CDC25B: variants seen among roughly 807,000 people sequenced by gnomAD.
CDC25B encodes the protein cell division cycle 25B, also known as M-phase inducer phosphatase 2.
A neutral mutation model predicts 69.8 loss-of-function variants in CDC25B; 33 were observed. That is an observed-to-expected ratio of 0.47 (90% CI 0.36 to 0.63). The LOEUF (loss-of-function observed/expected upper bound fraction) is 0.63, where lower values mean the gene tolerates loss of function less well. Among genes scored for constraint, CDC25B ranks in the 30% least tolerant of loss-of-function variants. The pLI is 0.00. For missense variants in CDC25B, 727 were observed against 809.1 expected, an observed-to-expected ratio of 0.90 and a Z score of 1.23; for synonymous variants, 341 against 314.6, an observed-to-expected ratio of 1.08 and a Z score of -0.89.
chr20:3,795,383 G>GAA, upstream of CDC25B, among the ~76,000 whole-genome samples: 1 of 22,602 alleles, frequency 4.4e-5, no homozygotes, highest in Non-Finnish European at 9.5e-5. Flanking sequence ...AAAACAAAAA[G>GAA]AAAGATAATT....
chr20:3,804,176 A>G (rs886248213), intron 14 of CDC25B, among the ~76,000 whole-genome samples: 51 of 152,290 alleles, frequency 3.3e-4, no homozygotes, highest in African/African-American at 1.2e-3. Context: ...CACTGGCTTC[A>G]GTCTTGGGTC....
rs1281629748 is a variant in CDC25B at position 3,803,446 on chromosome 20, C to T, written c.1399C>T (p.Leu467=). Residue 467 remains leucine (L), a synonymous_variant, in exon 14 of 16, where the codon CTA becomes TTA. Transcript: ENST00000245960. The surrounding 1 kb of genome is among the most constrained non-coding windows in gnomAD (Gnocchi z 4.9). ...LPLERDAESF[L]LKSPIAPCSL... is the part of the protein sequence containing the mutation. ...CCTGGAACGCGACGCCGAGAGCTTC[C>T]TACTGAAGAGCCCCATCGCGCCCTG... 2 of 1,614,120 alleles carry T rather than the reference C, an allele frequency of 1.2e-6. No homozygotes were observed. Among genetic ancestry groups the T allele is most frequent in the East Asian group, 2.2e-5 (1 of 44,872 alleles).
intron 1 of CDC25B, among the ~76,000 whole-genome samples, chr20:3,789,838 A>C (rs2088883825): frequency 6.6e-6 from 1 of 152,060 alleles, no homozygotes; most frequent in Admixed American, 6.6e-5. Flanking sequence ...AAATACAAAA[A>C]ATTAGCCGGG....
Position 3,803,157 on chromosome 20 carries a change from TGATTGTA to T in CDC25B, c.1310_1316del (p.Ile437ThrfsTer17). The T allele has an allele frequency of 6.2e-7, 1 of 1,613,986 alleles. No individual in the cohort carries two copies. The highest frequency in any genetic ancestry group is 8.5e-7 in the Non-Finnish European group (1 of 1,179,964). ...TTCAGCAACATCGTGGATAAGTTTG[TGATTGTA>T]GACTGCAGATACCCCTATGAATATG... On this transcript the variant is annotated frameshift_variant, in exon 13 of 16. Transcript: ENST00000245960. LOFTEE classifies it high-confidence loss of function. This position sits in a 1 kb window ranked among gnomAD's most constrained non-coding sequence, Gnocchi z 4.9.
chr20:3,795,372 C>CAAA (rs758801099), upstream of CDC25B, among the ~76,000 whole-genome samples: 47 of 91,214 alleles, frequency 5.2e-4, no homozygotes, highest in African/African-American at 1.9e-3. Context: ...AAAAACAAAA[C>CAAA]AAAACAAAAA....
intron 3 of CDC25B, 78 bp downstream of exon 3, chr20:3,798,541 C>T: frequency 8.2e-7 from 1 of 1,212,488 alleles, no homozygotes; most frequent in Non-Finnish European, 1.2e-6. Flanking sequence ...ATAAATTCAC[C>T]CGGGAGGCCT....
upstream of CDC25B, chr20:3,796,193 G>A (rs1487842150): frequency 4.2e-6 from 5 of 1,180,658 alleles, no homozygotes; most frequent in Non-Finnish European, 5.2e-6. Context: ...CTCTTGCCCT[G>A]CGGGCCCCGC....
At chr20:3,800,685 T>TC in intron 5 of CDC25B, 58 bp from the exon 6 acceptor site, 1 of 1,599,816 alleles carries the variant, frequency 6.3e-7, no homozygotes, top group Non-Finnish European at 8.5e-7. Context: ...GGGCCTGGGC[T>TC]CGTGCCGGAG....
chr20:3,800,317 G>A lies in CDC25B; in HGVS notation c.410G>A (p.Arg137Gln), dbSNP rs143386679. 23 of 1,613,954 alleles carry A rather than the reference G, an allele frequency of 1.4e-5. No homozygotes were observed. The highest frequency in any genetic ancestry group is 5.3e-5 in the African/African-American group (4 of 74,856). The change falls in exon 4 of 16, where the codon CGG becomes CAG. Residue 137 changes from arginine to glutamine, a missense_variant. Physicochemically the swap from Arg to Gln is conservative, Grantham distance 43 (BLOSUM62 1). This residue lies in a region of CDC25B where 368 missense variants were observed against 345.6 expected (regional missense o/e 1.06). Coordinates refer to ENST00000245960, the MANE Select transcript of CDC25B (RefSeq NM_021873.4). ...GAACAGGCCATCCAGGCAGCCAGCC[G>A]GATCATTCGAAAGTAAGTGTTCCTG... is the stretch of plus-strand genomic sequence containing the variant. The part of the protein sequence containing the change: ...TFEQAIQAAS[R>Q]IIRNEQFAIR...
Position 3,805,361 on chromosome 20 carries a change from T to C in CDC25B, c.*400T>C, listed in dbSNP as rs902124017. ...CCCTGAGGATGGGTCAGAGCTAAAC[T>C]CCTTCCTGGCCTGAGAGTCAGCTCT... On this transcript the variant is annotated 3_prime_UTR_variant, in exon 16 of 16. Coordinates refer to ENST00000245960, the MANE Select transcript of CDC25B (RefSeq NM_021873.4). 2 of 264,956 alleles carry C rather than the reference T, an allele frequency of 7.5e-6. No individual in the cohort carries two copies. The highest frequency in any genetic ancestry group is 1.5e-5 in the Non-Finnish European group (2 of 137,726). 16.4% of individuals were successfully genotyped at this position (264,956 alleles called of 1,614,324 possible).
chr20:3,794,136 A>G (rs1275823964), upstream of CDC25B, among the ~76,000 whole-genome samples: 2 of 150,574 alleles, frequency 1.3e-5, no homozygotes, highest in Non-Finnish European at 3.0e-5. Flanking sequence ...GCTGGGTCAA[A>G]TGGTATTTCT....
At chr20:3,795,626 C>T, upstream of CDC25B, 1 of 793,588 alleles carries the variant, frequency 1.3e-6, no homozygotes, top group Non-Finnish European at 1.5e-6. Context: ...GAAAATTGGG[C>T]CGGTTGGGGT....
rs753716287 is a variant in CDC25B, at chr20:3,802,061, C to T, written c.1059C>T (p.Ser353=). Residue 353 remains serine, a synonymous_variant, in exon 10 of 16, where the codon AGC becomes AGT. Transcript: ENST00000245960. ...CCGTGCAGAATAAGCGGAGGCGGAG[C>T]GTGACCCCTCCTGAGGAGCAGCAGG... is the stretch of plus-strand genomic sequence containing the variant. ...DTPVQNKRRR[S]VTPPEEQQEA... 2.8e-5 allele frequency: 43 copies of T among 1,563,182 alleles called. No individual in the cohort carries two copies. The highest frequency in any genetic ancestry group is 4.8e-5 in the East Asian group (2 of 41,756).
rs775478838 is a variant in CDC25B at position 3,803,162 on chromosome 20, G to C, written c.1312G>C (p.Val438Leu). The C allele has an allele frequency of 1.2e-6, 2 of 1,614,022 alleles. No individual in the cohort carries two copies. The highest frequency in any genetic ancestry group is 2.2e-5 in the South Asian group (2 of 91,068). ...FSNIVDKFVI[V>L]DCRYPYEYEG... is the part of the protein sequence containing the mutation. ...CAACATCGTGGATAAGTTTGTGATTGTAGACTGCAGATACCCCTATGAATA... is the reference window on the plus strand; with the variant it reads ...CAACATCGTGGATAAGTTTGTGATTCTAGACTGCAGATACCCCTATGAATA... Residue 438 changes from valine to leucine, a missense_variant, in exon 13 of 16, where the codon GTA becomes CTA. Physicochemically the swap from Val to Leu is conservative, Grantham distance 32. Around this residue, in one of 2 missense-constraint regions of CDC25B, gnomAD observed 359 missense variants for 463.4 expected, o/e 0.77. Transcript: ENST00000245960. The surrounding 1 kb of genome is among the most constrained non-coding windows in gnomAD (Gnocchi z 4.9).
At position 3,804,801 on chromosome 20, in the gene CDC25B, C is replaced by T. The variant is rs1432907027; in HGVS notation, c.1603-20C>T. ...AAACTTACCCATTCCACTGCATTGA[C>T]CCCTCCTGTCCTGCCCTAGAACTTC... is the stretch of plus-strand genomic sequence containing the variant. On this transcript the variant is annotated intron_variant, in intron 15 of 15. Transcript: ENST00000245960. 22 of 1,613,714 alleles carry T rather than the reference C, an allele frequency of 1.4e-5. No individual in the cohort carries two copies. In the Admixed American group the frequency reaches 3.5e-4, roughly 26 times the overall value.
At chr20:3,804,012 A>C (rs2089385315) in intron 14 of CDC25B, among the ~76,000 whole-genome samples, 1 of 152,188 alleles carries the variant, frequency 6.6e-6, no homozygotes, top group Admixed American at 6.5e-5. Context: ...CCACTGGTCC[A>C]TATGACTGCT....
At chr20:3,789,308 C>G (rs2088874726) in intron 1 of CDC25B, among the ~76,000 whole-genome samples, 1 of 152,224 alleles carries the variant, frequency 6.6e-6, no homozygotes, top group African/African-American at 2.4e-5. Context: ...GATCATAGTT[C>G]ATTGCAGCCT....
At chr20:3,804,751 G>T (rs1211920164) in intron 15 of CDC25B, 70 bp from the exon 16 acceptor site, 14 of 1,596,424 alleles carry the variant, frequency 8.8e-6, no homozygotes, top group South Asian at 2.2e-5. Context: ...CATGGGATGG[G>T]GGGTGGGAGG....
chr20:3,804,947 C>T lies in CDC25B; in HGVS notation c.1729C>T (p.Leu577=). 1 of 1,612,780 alleles carries T rather than the reference C, an allele frequency of 6.2e-7. No homozygotes were observed. Among genetic ancestry groups the T allele is most frequent in the Non-Finnish European group, 8.5e-7 (1 of 1,179,954 alleles). Residue 577 remains leucine (L), a synonymous_variant, in exon 16 of 16, where the codon CTG becomes TTG. Transcript: ENST00000245960. The stretch of plus-strand genomic sequence containing the variant: ...GAGCCGGCGGGAGCTCTGTAGCCGG[C>T]TGCAGGACCAGTGAGGGGCCTGCGC... ...ERSRRELCSR[L]QDQ is the part of the protein sequence containing the mutation.
Sources: allele counts gnomAD v4.1 joint callset (sites outside exome capture counted in the v4.1 genomes callset), GRCh38; gene constraint gnomAD v4.1.1; regional missense constraint gnomAD v4.1.1; non-coding constraint Gnocchi (gnomAD v3.1); transcripts MANE v1.5; gene names NCBI Gene and HGNC (gene_info 2026-07-23, HGNC 2026-07-21).